The following MYEF2 variants were observed in gnomAD, a reference collection of about 807,000 sequenced individuals.
MYEF2 encodes the protein myelin gene expression factor 2.
MYEF2 carries 37 observed loss-of-function variants against 75.2 expected under a neutral mutation model. The ratio of observed to expected loss-of-function variants is 0.49; its 90% CI spans 0.38 to 0.65. The LOEUF is 0.65. Ranked by LOEUF, MYEF2 falls within the 30% of genes least tolerant of loss-of-function variation. The probability of loss-of-function intolerance (pLI) is 0.00; values close to 1 mark genes in which losing one functional copy is unlikely to be tolerated. For synonymous variants in MYEF2, 195 were observed against 241.6 expected, an observed-to-expected ratio of 0.81 and a Z score of 1.79; for missense variants, 634 against 771.4, an observed-to-expected ratio of 0.82 and a Z score of 2.11.
intron 16 of MYEF2, 64 bp from the exon 17 acceptor site, chr15:48,143,135 T>C (rs887772378): frequency 1.6e-5 from 18 of 1,134,284 alleles, no homozygotes; most frequent in African/African-American, 1.1e-4. Flanking sequence ...CTTTATAGGT[T>C]TGAAATTCCT....
At position 48,141,394 on chromosome 15, in the gene MYEF2, T is replaced by C; in HGVS notation, c.*1514A>G. ...GAGTTTGAGACCAGCCTGACCAACA[T>C]GGTGAAACCCAGTCTCTACTAAAAA... On this transcript the variant is annotated 3_prime_UTR_variant, in exon 17 of 17. Transcript: ENST00000324324. 1 of 434,358 alleles carries C rather than the reference T, an allele frequency of 2.3e-6. No individual in the cohort carries two copies. The highest frequency in any genetic ancestry group is 4.2e-6 in the Non-Finnish European group (1 of 236,092). The allele number at this position is 434,358 out of a possible 1,614,324, so 26.9% of individuals were successfully genotyped here. A position where few individuals can be genotyped will look rare whatever the true frequency, so the allele number is the denominator to read the frequency against.
intron 3 of MYEF2, 26 bp from the exon 4 acceptor site, chr15:48,166,154 T>C (rs767021113): frequency 6.4e-7 from 1 of 1,550,948 alleles, no homozygotes; most frequent in Admixed American, 1.9e-5. Context: ...TTTGTCAAAA[T>C]ATGCAAAAGA....
rs948912882 is a variant in MYEF2, at chr15:48,149,447, A to C, written c.1379-76T>G. On this transcript the variant is annotated intron_variant, in intron 14 of 16. Coordinates refer to ENST00000324324, the MANE Select transcript of MYEF2 (RefSeq NM_016132.5). This position sits in a 1 kb window ranked among gnomAD's most constrained non-coding sequence, Gnocchi z 4.0. ...TCAAAAACATAAGGAAAAGGAGAAG[A>C]GGAGAAAGGAGGAAAAGGAGATAAA... The C allele has an allele frequency of 7.8e-7, 1 of 1,281,042 alleles. No individual in the cohort carries two copies. The highest frequency in any genetic ancestry group is 1.5e-5 in the African/African-American group (1 of 67,768). The allele number at this position is 1,281,042 out of a possible 1,614,324, so 79.4% of individuals were successfully genotyped here. A position where few individuals can be genotyped will look rare whatever the true frequency, so the allele number is the denominator to read the frequency against.
In MYEF2 at chr15:48,158,067, G is replaced by T; in HGVS notation, c.922-11C>A. The T allele has an allele frequency of 6.2e-7, 1 of 1,612,904 alleles. No individual in the cohort carries two copies. Among genetic ancestry groups the T allele is most frequent in the Non-Finnish European group, 8.5e-7 (1 of 1,179,268 alleles). On this transcript the variant is annotated splice_polypyrimidine_tract_variant and intron_variant, in intron 8 of 16. Transcript: ENST00000324324. ...AACAGACTTGTCATCCTAATTGCAA[G>T]AAAGTTTATAATATGGTTAACATAT...
At position 48,164,249 on chromosome 15, in the gene MYEF2, C is replaced by A. The variant is rs181616115; in HGVS notation, c.525+1684G>T. Among the ~76,000 whole-genome samples the A allele has an allele frequency of 1.2e-4, 19 of 152,164 alleles. No individual in the cohort carries two copies. The East Asian group carries it at 3.5e-3, about 28-fold the overall frequency. On this transcript the variant is annotated intron_variant, in intron 5 of 16. Transcript: ENST00000324324. ...AGTTTGGAATAAGTGGATTCTAATC[C>A]TAATGGATGACTTTGAGGGCTTCAA...
In MYEF2 at chr15:48,142,459, A is replaced by C. The variant is rs2039125801; in HGVS notation, c.*449T>G. ...TTAAAAATCTTGAACCTTAGAATCT[A>C]AAACTTACAGTAATTTAAAACCAAC... On this transcript the variant is annotated 3_prime_UTR_variant, in exon 17 of 17. Transcript: ENST00000324324. 1 of 882,418 alleles carries C rather than the reference A, an allele frequency of 1.1e-6. No individual in the cohort carries two copies. Among genetic ancestry groups the C allele is most frequent in the Non-Finnish European group, 1.6e-6 (1 of 621,968 alleles). The allele number at this position is 882,418 out of a possible 1,614,324, so 54.7% of individuals were successfully genotyped here. A position where few individuals can be genotyped will look rare whatever the true frequency, so the allele number is the denominator to read the frequency against.
intron 9 of MYEF2, among the ~76,000 whole-genome samples, chr15:48,155,867 C>A (rs1249058559): frequency 6.6e-6 from 1 of 151,304 alleles, no homozygotes; most frequent in African/African-American, 2.4e-5. Context: ...CTCTGCCTCC[C>A]AGGTTCAAGC....
chr15:48,174,264 T>C (rs2040437838), intron 1 of MYEF2, among the ~76,000 whole-genome samples: 1 of 152,060 alleles, frequency 6.6e-6, no homozygotes, highest in Non-Finnish European at 1.5e-5. Context: ...AAAAATGGTA[T>C]TGGGAAAACT....
At chr15:48,167,044 T>C (rs1046916978) in intron 3 of MYEF2, among the ~76,000 whole-genome samples, 1 of 151,996 alleles carries the variant, frequency 6.6e-6, no homozygotes, top group Non-Finnish European at 1.5e-5. Flanking sequence ...ACTTTTAAAG[T>C]ATCCTTGAAG....
rs761577296 is a variant in MYEF2 at position 48,141,243 on chromosome 15, G to T, written c.*1665C>A. On this transcript the variant is annotated 3_prime_UTR_variant, in exon 17 of 17. Transcript: ENST00000324324. ...AGAACTAGGTCCCTCAAGCTGCAATGGTCATTCTACAAGGCTAGAATGAGT... is the reference window on the plus strand; with the variant it reads ...AGAACTAGGTCCCTCAAGCTGCAATTGTCATTCTACAAGGCTAGAATGAGT... 1 of 1,515,250 alleles carries T rather than the reference G, an allele frequency of 6.6e-7. No individual in the cohort carries two copies. Among genetic ancestry groups the T allele is most frequent in the Non-Finnish European group, 9.2e-7 (1 of 1,090,648 alleles). 93.9% of individuals were successfully genotyped at this position (1,515,250 alleles called of 1,614,324 possible).
At chr15:48,177,492 T>G (rs772316695) in intron 1 of MYEF2, among the ~76,000 whole-genome samples, 2 of 152,090 alleles carry the variant, frequency 1.3e-5, no homozygotes, top group Non-Finnish European at 2.9e-5. Flanking sequence ...GTCTAGCCAA[T>G]TCAAGAGTAA....
intron 5 of MYEF2, among the ~76,000 whole-genome samples, chr15:48,164,144 C>A (rs2040052449): frequency 6.6e-6 from 1 of 152,142 alleles, no homozygotes; most frequent in Admixed American, 6.6e-5. Flanking sequence ...AAATTAAAAA[C>A]CTTCTGGAAA....
rs775313695 is a variant in MYEF2 at position 48,138,872 on chromosome 15, T to TA, written c.*4035dup. 1.9e-5 allele frequency: 17 copies of TA among 886,062 alleles called. No individual in the cohort carries two copies. The highest frequency in any genetic ancestry group is 2.8e-5 in the Non-Finnish European group (16 of 574,682). The allele number at this position is 886,062 out of a possible 1,614,324, so 54.9% of individuals were successfully genotyped here. On this transcript the variant is annotated 3_prime_UTR_variant, in exon 17 of 17. Coordinates refer to ENST00000324324, the MANE Select transcript of MYEF2 (RefSeq NM_016132.5). ...TTTTAAACAGCCTTTTAAAAACTGA[T>TA]ACAGCTAATTTATTTCAATATAACT...
chr15:48,178,094 G>A lies in MYEF2; in HGVS notation c.144C>T (p.Ser48=). Residue 48 remains serine, a synonymous_variant, in exon 1 of 17, where the codon AGC becomes AGT. Coordinates refer to ENST00000324324, the MANE Select transcript of MYEF2 (RefSeq NM_016132.5). ...GACAATACATTTTAACGCCATTGGA[G>A]CTGCTGCTGTGCTGCGGCTGCTGCT... ...AEKQQPQHSS[S]SNGVKMENDE... is the part of the protein sequence containing the mutation. 1 of 1,599,930 alleles carries A rather than the reference G, an allele frequency of 6.3e-7. No homozygotes were observed. The highest frequency in any genetic ancestry group is 8.5e-7 in the Non-Finnish European group (1 of 1,173,764).
rs1356884017 is a variant in MYEF2, at chr15:48,140,921, C to G, written c.*1987G>C. On this transcript the variant is annotated 3_prime_UTR_variant, in exon 17 of 17. Transcript: ENST00000324324. ...GATATGTCATTAAAAATCTGTGCTA[C>G]CTGGGTTACCCGAATTACCAGCCTG... 4.1e-6 allele frequency: 2 copies of G among 482,028 alleles called. No individual in the cohort carries two copies. The highest frequency in any genetic ancestry group is 7.0e-5 in the Admixed American group (2 of 28,652). The allele number at this position is 482,028 out of a possible 1,614,324, so 29.9% of individuals were successfully genotyped here.
chr15:48,165,635 T>C (rs1029420297), intron 5 of MYEF2, among the ~76,000 whole-genome samples: 1 of 151,990 alleles, frequency 6.6e-6, no homozygotes, highest in African/African-American at 2.4e-5. Flanking sequence ...AAAATGTCTG[T>C]ACCAAATAAA....
chr15:48,158,644 G>A (rs2039803336), intron 7 of MYEF2, 125 bp downstream of exon 7: 1 of 1,126,082 alleles, frequency 8.9e-7, no homozygotes, highest in Non-Finnish European at 1.3e-6. Context: ...TTATTTGCTG[G>A]AGACTAAAGT....
rs550201688 is a variant in MYEF2 at position 48,142,115 on chromosome 15, G to A, written c.*793C>T. ...TGGTATTCCATGGTTTATTAAAACT[G>A]CATTTATAAATGGATCAGCTCCTGC... On this transcript the variant is annotated 3_prime_UTR_variant, in exon 17 of 17. Coordinates refer to ENST00000324324, the MANE Select transcript of MYEF2 (RefSeq NM_016132.5). 2.5e-6 allele frequency: 4 copies of A among 1,613,794 alleles called. No homozygotes were observed. The Admixed American group carries it at 6.7e-5, about 27-fold the overall frequency.
chr15:48,151,902 TC>T lies in MYEF2; in HGVS notation c.1178del (p.Gly393GlufsTer17). On this transcript the variant is annotated frameshift_variant, in exon 12 of 17. Transcript: ENST00000324324. LOFTEE classifies it high-confidence loss of function. ...CCATTCGGCCAACTCCTCCAAATCC[TC>T]CCATGCTATTCATTGCTTCCAGACC... ...FGGLEAMNSMGGFGGVGRMGE... is the reference protein window; with the variant it reads ...FGGLEAMNSMXGFGGVGRMGE... 6.2e-7 allele frequency: 1 copy of T among 1,613,384 alleles called. No individual in the cohort carries two copies. Among genetic ancestry groups the T allele is most frequent in the Non-Finnish European group, 8.5e-7 (1 of 1,179,558 alleles).
Sources: allele counts gnomAD v4.1 joint callset (sites outside exome capture counted in the v4.1 genomes callset), GRCh38; gene constraint gnomAD v4.1.1; non-coding constraint Gnocchi (gnomAD v3.1); transcripts MANE v1.5; gene names NCBI Gene and HGNC (gene_info 2026-07-23, HGNC 2026-07-21).